The following ZNF736 variants were observed in gnomAD, a reference collection of about 807,000 sequenced individuals.
ZNF736 encodes the protein KRAB-containing zinc-finger repressor protein.
ZNF736 carries 6 observed loss-of-function variants against 11.7 expected under a neutral mutation model. The ratio of observed to expected loss-of-function variants is 0.51; its 90% CI spans 0.28 to 1.01. The LOEUF is 1.01. Ranked by LOEUF, ZNF736 falls within the 50% of genes least tolerant of loss-of-function variation. The probability of loss-of-function intolerance (pLI) is 0.09; values close to 1 mark genes in which losing one functional copy is unlikely to be tolerated. For missense variants in ZNF736, 444 were observed against 496.0 expected (o/e 0.90, Z 1.00); for synonymous variants, 139 against 164.7 (o/e 0.84, Z 1.19).
chr7:64,326,440 C>A (rs1305309249), intron 1 of ZNF736, among the ~76,000 whole-genome samples: 3 of 152,214 alleles, frequency 2.0e-5, no homozygotes, highest in Non-Finnish European at 4.4e-5. Flanking sequence ...GAAAGTAATT[C>A]AAACACCATG....
At chr7:64,338,631 C>T (rs1205097325) in intron 3 of ZNF736, among the ~76,000 whole-genome samples, 2 of 152,078 alleles carry the variant, frequency 1.3e-5, no homozygotes, top group African/African-American at 4.8e-5. Context: ...CTCGGCATAA[C>T]ATCATCTAGG....
intron 1 of ZNF736, among the ~76,000 whole-genome samples, chr7:64,326,789 A>G (rs1315782332): frequency 6.6e-6 from 1 of 151,834 alleles, no homozygotes; most frequent in African/African-American, 2.4e-5. Context: ...TTTTTCTTAA[A>G]TTCCTTATTG....
chr7:64,323,547 C>G (rs1453540182), intron 1 of ZNF736, among the ~76,000 whole-genome samples: 1 of 152,120 alleles, frequency 6.6e-6, no homozygotes, highest in Non-Finnish European at 1.5e-5. Context: ...CCATGGAATA[C>G]TATGCAGGCA....
intron 3 of ZNF736, among the ~76,000 whole-genome samples, chr7:64,341,390 T>A (rs10260698): frequency 0.34 from 51,923 of 151,876 alleles, 9,546 homozygotes; most frequent in African/African-American, 0.49. Flanking sequence ...ATTTAAAGAC[T>A]TGCTTAAAGA....
intron 1 of ZNF736, among the ~76,000 whole-genome samples, chr7:64,330,235 C>T (rs371859695): frequency 7.7e-4 from 117 of 152,140 alleles, no homozygotes; most frequent in African/African-American, 2.7e-3. Context: ...TGGCTCACTG[C>T]AAGCTCCGCC....
Position 64,353,475 on chromosome 7 carries a change from A to C in ZNF736, c.*4328A>C, listed in dbSNP as rs756519235. On this transcript the variant is annotated 3_prime_UTR_variant, in exon 4 of 4. Coordinates refer to ENST00000423484, the MANE Select transcript of ZNF736 (RefSeq NM_001170905.3). ...AAAGGGAACCTACTTTTTTATATTA[A>C]AAGGATTCAATATTTTTCAAAAGCA... The C allele has an allele frequency of 4.6e-5, 7 of 152,190 alleles. No individual in the cohort carries two copies. The highest frequency in any genetic ancestry group is 8.8e-5 in the Non-Finnish European group (6 of 68,040). The allele number at this position is 152,190 out of a possible 1,614,324, so 9.4% of individuals were successfully genotyped here. A position where few individuals can be genotyped will look rare whatever the true frequency, so the allele number is the denominator to read the frequency against.
At chr7:64,323,627 T>G (rs1789032651) in intron 1 of ZNF736, among the ~76,000 whole-genome samples, 1 of 152,106 alleles carries the variant, frequency 6.6e-6, no homozygotes, top group Admixed American at 6.6e-5. Context: ...CTCAGCAAAC[T>G]TAACACAGGA....
chr7:64,344,735 A>G (rs551885902), intron 3 of ZNF736, among the ~76,000 whole-genome samples: 1 of 152,244 alleles, frequency 6.6e-6, no homozygotes, highest in Non-Finnish European at 1.5e-5. Flanking sequence ...GCTTTTGTGG[A>G]TAATGCTTCA....
chr7:64,344,076 G>T (rs1789375949), intron 3 of ZNF736, among the ~76,000 whole-genome samples: 4 of 152,292 alleles, frequency 2.6e-5, no homozygotes, highest in African/African-American at 9.6e-5. Context: ...GCGAAGGTGG[G>T]CAGGTCACCT....
chr7:64,314,490 G>C (rs1340387925), intron 1 of ZNF736, among the ~76,000 whole-genome samples: 1 of 152,170 alleles, frequency 6.6e-6, no homozygotes, highest in African/African-American at 2.4e-5. Flanking sequence ...TTTAGGGTCT[G>C]GAGTTCCTCC....
intron 1 of ZNF736, among the ~76,000 whole-genome samples, chr7:64,332,996 G>A (rs946869011): frequency 1.3e-5 from 2 of 152,150 alleles, no homozygotes; most frequent in African/African-American, 4.8e-5. Flanking sequence ...AGTTTGTACA[G>A]TTAACACAAT....
At chr7:64,317,255 T>G (rs1788930716) in intron 1 of ZNF736, among the ~76,000 whole-genome samples, 1 of 152,198 alleles carries the variant, frequency 6.6e-6, no homozygotes, top group South Asian at 2.1e-4. Context: ...TGAGCTGCAA[T>G]GGATGTAACA....
intron 1 of ZNF736, among the ~76,000 whole-genome samples, chr7:64,319,688 G>C (rs1166856742): frequency 6.6e-6 from 1 of 150,998 alleles, no homozygotes; most frequent in Non-Finnish European, 1.5e-5. Flanking sequence ...GTAGAGACAG[G>C]GTTTCACCAT....
At position 64,352,950 on chromosome 7, in the gene ZNF736, C is replaced by A. The variant is rs557311626; in HGVS notation, c.*3803C>A. On this transcript the variant is annotated 3_prime_UTR_variant, in exon 4 of 4. Transcript: ENST00000423484. ...GGTCCTACAGACCATCACTATCAGC[C>A]CCCTGGATTCTGCCTCTTTCCTATG... The A allele has an allele frequency of 4.6e-5, 7 of 152,218 alleles. No homozygotes were observed. The highest frequency in any genetic ancestry group is 1.4e-4 in the African/African-American group (6 of 41,454). 9.4% of individuals were successfully genotyped at this position (152,218 alleles called of 1,614,324 possible).
chr7:64,329,244 C>T (rs1789124350), intron 1 of ZNF736, among the ~76,000 whole-genome samples: 1 of 152,032 alleles, frequency 6.6e-6, no homozygotes, highest in African/African-American at 2.4e-5. Context: ...AGGATTTGCA[C>T]ACTAGTGCCT....
At chr7:64,318,234 C>T (rs1246935123) in intron 1 of ZNF736, among the ~76,000 whole-genome samples, 2 of 151,834 alleles carry the variant, frequency 1.3e-5, no homozygotes, top group Non-Finnish European at 2.9e-5. Context: ...TTAGCTTAAA[C>T]TTGTATTTAA....
In ZNF736 at chr7:64,352,376, C is replaced by G. The variant is rs1789499433; in HGVS notation, c.*3229C>G. The stretch of plus-strand genomic sequence containing the variant: ...TAGCTGGAAGCCCCTGTTGAAGGTC[C>G]TACCCAGTGAGGAAAACATGATTGG... On this transcript the variant is annotated 3_prime_UTR_variant, in exon 4 of 4. Coordinates refer to ENST00000423484, the MANE Select transcript of ZNF736 (RefSeq NM_001170905.3). 1 of 152,172 alleles carries G rather than the reference C, an allele frequency of 6.6e-6. No individual in the cohort carries two copies. Among genetic ancestry groups the G allele is most frequent in the Admixed American group, 6.5e-5 (1 of 15,268 alleles). The allele number at this position is 152,172 out of a possible 1,614,324, so 9.4% of individuals were successfully genotyped here.
rs775887478 is a variant in ZNF736, at chr7:64,335,006, A to G, written c.4-1253A>G. Among the ~76,000 whole-genome samples the G allele has an allele frequency of 1.7e-4, 26 of 152,128 alleles. 1 individual carries two copies. Among genetic ancestry groups the G allele is most frequent in the Admixed American group, 1.6e-3 (25 of 15,274 alleles). The stretch of plus-strand genomic sequence containing the variant: ...TTGCTGGGACATGGATGAAGCTGGA[A>G]CCATCATTCTCAGCAAACTAACAAA... On this transcript the variant is annotated intron_variant, in intron 1 of 3. Transcript: ENST00000423484.
chr7:64,328,342 CTG>C (rs372408779), intron 1 of ZNF736, among the ~76,000 whole-genome samples: 74 of 151,812 alleles, frequency 4.9e-4, no homozygotes, highest in African/African-American at 1.7e-3. Context: ...ATCTCCTGGT[CTG>C]TAAGATTTCC....
Sources: gnomAD v4.1 joint callset for allele counts (sites outside exome capture counted in the v4.1 genomes callset) on GRCh38, gnomAD v4.1.1 for gene constraint, MANE v1.5 for transcripts, NCBI Gene and HGNC (gene_info 2026-07-23, HGNC 2026-07-21) for gene names.